Variants in SH3GL2 observed in about 807,000 individuals in gnomAD.
SH3GL2 encodes SH3 domain containing GRB2 like 2, endophilin A1.
A neutral mutation model predicts 46.0 loss-of-function variants in SH3GL2; 24 were observed. The observed-to-expected ratio is 0.52, with a 90% CI of 0.38 to 0.73. The LOEUF (loss-of-function observed/expected upper bound fraction) is 0.73. Among genes scored for constraint, SH3GL2 ranks in the 30% least tolerant of loss-of-function variants. The pLI, the probability that SH3GL2 is intolerant of heterozygous loss-of-function variation, is 0.00. For missense variants in SH3GL2, 413 were observed against 424.2 expected, an observed-to-expected ratio of 0.97 and a Z score of 0.23; for synonymous variants, 196 against 147.1, an observed-to-expected ratio of 1.33 and a Z score of -2.40.
At chr9:17,756,983 A>C (rs912283067) in intron 2 of SH3GL2, among the ~76,000 whole-genome samples, 1 of 152,134 alleles carries the variant, frequency 6.6e-6, no homozygotes, top group Non-Finnish European at 1.5e-5. Context: ...CCTCTCCAGC[A>C]CCTGTTGTTT....
At chr9:17,602,805 C>G (rs190953450) in intron 1 of SH3GL2, among the ~76,000 whole-genome samples, 5 of 152,252 alleles carry the variant, frequency 3.3e-5, no homozygotes, top group Admixed American at 2.0e-4. Context: ...CTGAAACATT[C>G]TCTTTTTAAT....
intron 1 of SH3GL2, among the ~76,000 whole-genome samples, chr9:17,733,692 T>A (rs1822248427): frequency 1.3e-5 from 2 of 152,066 alleles, no homozygotes; most frequent in African/African-American, 4.8e-5. Context: ...GCGGCACTAT[T>A]CACAATAGCA....
At chr9:17,626,320 G>A (rs1057015171) in intron 1 of SH3GL2, among the ~76,000 whole-genome samples, 1 of 152,206 alleles carries the variant, frequency 6.6e-6, no homozygotes, top group African/African-American at 2.4e-5. Flanking sequence ...TGTTGCGGGG[G>A]ACAGGGACCT....
In SH3GL2 at chr9:17,640,206, C is replaced by G. The variant is rs907355719; in HGVS notation, c.45+60919C>G. On this transcript the variant is annotated intron_variant, in intron 1 of 8. Transcript: ENST00000380607. ...ACATTTTAAAAATATATAGTCTCTG[C>G]CAGTTTATCTTATTTGCTTCTACTA... Among the ~76,000 whole-genome samples, 4 of 151,914 alleles carry G rather than the reference C, an allele frequency of 2.6e-5. No individual in the cohort carries two copies. In the South Asian group the frequency reaches 6.2e-4, roughly 24 times the overall value.
At chr9:17,605,338 C>T (rs528925134) in intron 1 of SH3GL2, among the ~76,000 whole-genome samples, 1 of 152,116 alleles carries the variant, frequency 6.6e-6, no homozygotes, top group Non-Finnish European at 1.5e-5. Context: ...GACTCATCCT[C>T]TTCCTGACTG....
intron 1 of SH3GL2, among the ~76,000 whole-genome samples, chr9:17,634,917 G>A (rs1819508486): frequency 6.6e-6 from 1 of 152,166 alleles, no homozygotes; most frequent in Admixed American, 6.5e-5. Flanking sequence ...CTTCTGTGGG[G>A]AAGCATAGGA....
intron 1 of SH3GL2, among the ~76,000 whole-genome samples, chr9:17,591,889 C>T (rs992759027): frequency 1.1e-4 from 16 of 152,150 alleles, no homozygotes; most frequent in African/African-American, 3.9e-4. Context: ...GTTTCCTAAG[C>T]GTATCATTCA....
chr9:17,757,474 C>T (rs1008020683), intron 2 of SH3GL2, among the ~76,000 whole-genome samples: 1 of 152,088 alleles, frequency 6.6e-6, no homozygotes, highest in African/African-American at 2.4e-5. Context: ...AAAAAAACAA[C>T]CCCATCAAAA....
At position 17,582,258 on chromosome 9, in the gene SH3GL2, A is replaced by G. The variant is rs1818291402; in HGVS notation, c.45+2971A>G. On this transcript the variant is annotated intron_variant, in intron 1 of 8. Transcript: ENST00000380607. ...TAGAGAAGAAAATCCTTTCAGCATG[A>G]AAATATATAATGATACCAAAAATTG... Among the ~76,000 whole-genome samples the G allele has an allele frequency of 3.2e-5, 4 of 124,078 alleles. No homozygotes were observed. In the South Asian group the frequency reaches 9.9e-4, roughly 31 times the overall value. The allele number at this position is 124,078 out of a possible 152,430, so 81.4% of individuals were successfully genotyped here. A position where few individuals can be genotyped will look rare whatever the true frequency, so the allele number is the denominator to read the frequency against.
At chr9:17,645,851 TG>T (rs1819802265) in intron 1 of SH3GL2, among the ~76,000 whole-genome samples, 1 of 152,116 alleles carries the variant, frequency 6.6e-6, no homozygotes, top group Admixed American at 6.5e-5. Context: ...TTATGTGTCT[TG>T]GGGTTGCTCT....
intron 6 of SH3GL2, among the ~76,000 whole-genome samples, chr9:17,790,158 A>G (rs998033548): frequency 3.9e-5 from 6 of 152,150 alleles, no homozygotes; most frequent in Non-Finnish European, 7.4e-5. Context: ...GCTAGAAGAG[A>G]GAGAGAACAA....
At chr9:17,680,207 C>A (rs1820732003) in intron 1 of SH3GL2, among the ~76,000 whole-genome samples, 2 of 152,094 alleles carry the variant, frequency 1.3e-5, no homozygotes, top group Non-Finnish European at 1.5e-5. Context: ...TGGAATGGTA[C>A]CAGCTCCTCT....
chr9:17,735,796 G>A (rs1822317682), intron 1 of SH3GL2: 1 of 944,092 alleles, frequency 1.1e-6, no homozygotes. Flanking sequence ...TAGGAAAGAA[G>A]GGCTTAAGTT....
At chr9:17,732,420 C>T (rs1822210390) in intron 1 of SH3GL2, among the ~76,000 whole-genome samples, 2 of 152,094 alleles carry the variant, frequency 1.3e-5, no homozygotes, top group South Asian at 4.1e-4. Context: ...TATACTGTTC[C>T]ACTGCCTCCT....
At chr9:17,613,214 G>A (rs1234628661) in intron 1 of SH3GL2, among the ~76,000 whole-genome samples, 1 of 152,142 alleles carries the variant, frequency 6.6e-6, no homozygotes, top group Non-Finnish European at 1.5e-5. Flanking sequence ...AAGTGACAGT[G>A]AGATAGTAGA....
chr9:17,738,575 T>TATATAG lies in SH3GL2; in HGVS notation c.46-8490_46-8489insTATAGA, dbSNP rs146902227. 7.7e-3 allele frequency among the ~76,000 whole-genome samples: 838 copies of TATATAG among 108,238 alleles called. 24 individuals are homozygous for TATATAG. Among genetic ancestry groups the TATATAG allele is most frequent in the East Asian group, 0.019 (71 of 3,830 alleles). 71.0% of individuals were successfully genotyped at this position (108,238 alleles called of 152,430 possible). ...GTGTGTATATACATACATATATATA[T>TATATAG]AGAGAGAGAGAGAGAGAGAATTTTA... On this transcript the variant is annotated intron_variant, in intron 1 of 8. Transcript: ENST00000380607.
intron 1 of SH3GL2, among the ~76,000 whole-genome samples, chr9:17,657,361 T>A (rs1286942176): frequency 3.3e-5 from 5 of 152,074 alleles, no homozygotes; most frequent in Non-Finnish European, 7.4e-5. Context: ...GAGAGAGAGA[T>A]TTGTGGGCAG....
intron 1 of SH3GL2, among the ~76,000 whole-genome samples, chr9:17,628,227 T>A (rs1819329882): frequency 6.6e-6 from 1 of 152,230 alleles, no homozygotes; most frequent in South Asian, 2.1e-4. Context: ...TACTGGCACG[T>A]GGGCATTCAT....
At chr9:17,684,003 C>G (rs1328636022) in intron 1 of SH3GL2, among the ~76,000 whole-genome samples, 1 of 152,086 alleles carries the variant, frequency 6.6e-6, no homozygotes, top group Non-Finnish European at 1.5e-5. Context: ...ACCTCAGTCT[C>G]TATAGTTCTG....
Sources: gnomAD v4.1 joint callset for allele counts (sites outside exome capture counted in the v4.1 genomes callset) on GRCh38, gnomAD v4.1.1 for gene constraint, MANE v1.5 for transcripts, NCBI Gene and HGNC (gene_info 2026-07-23, HGNC 2026-07-21) for gene names.